VRK2: variants seen among roughly 807,000 people sequenced by gnomAD.
VRK2 encodes serine/threonine-protein kinase VRK2.
Under a neutral mutation model 57.6 loss-of-function variants are expected in VRK2, and 60 were observed. The observed-to-expected ratio is 1.04, with a 90% CI of 0.85 to 1.29. VRK2 has a LOEUF of 1.29. Among genes scored for constraint, VRK2 ranks in the 50% most tolerant of loss-of-function variants. The probability of loss-of-function intolerance (pLI) is 0.00; values close to 1 mark genes in which losing one functional copy is unlikely to be tolerated. For missense variants in VRK2, 705 were observed against 588.1 expected (o/e 1.20, Z -2.06); for synonymous variants, 231 against 199.2 (o/e 1.16, Z -1.35).
At position 57,992,662 on chromosome 2, in the gene VRK2, G is replaced by A. The variant is rs535369294; in HGVS notation, c.-438-33003G>A. ...CGCCATTCTCCTGCCTCAGCCTCCC[G>A]AGTAGCTGGGACTACAGGCGCCCGC... On this transcript the variant is annotated intron_variant, in intron 1 of 15. Transcript: ENST00000417641. 5.1e-3 allele frequency among the ~76,000 whole-genome samples: 776 copies of A among 151,868 alleles called. 4 individuals are homozygous for A. Among genetic ancestry groups the A allele is most frequent in the African/African-American group, 0.018 (742 of 41,412 alleles).
At chr2:57,922,193 C>T (rs2103908785) in intron 1 of VRK2, among the ~76,000 whole-genome samples, 1 of 151,846 alleles carries the variant, frequency 6.6e-6, no homozygotes, top group South Asian at 2.1e-4. Context: ...GATAGCTGAT[C>T]CATCAAAAAT....
At chr2:58,153,530 TATTAA>T (rs1199706922) in intron 12 of VRK2, among the ~76,000 whole-genome samples, 5 of 152,110 alleles carry the variant, frequency 3.3e-5, no homozygotes, top group Admixed American at 6.5e-5. Context: ...TGTGGTTGAA[TATTAA>T]ATTAGTCTTC....
intron 1 of VRK2, among the ~76,000 whole-genome samples, chr2:57,983,550 G>C (rs967718169): frequency 6.6e-6 from 1 of 152,146 alleles, no homozygotes; most frequent in Non-Finnish European, 1.5e-5. Flanking sequence ...AAATGGGAGG[G>C]AAAGGCATAG....
intron 12 of VRK2, among the ~76,000 whole-genome samples, chr2:58,157,528 A>G (rs896203826): frequency 7.2e-5 from 11 of 152,194 alleles, no homozygotes; most frequent in African/African-American, 2.2e-4. Context: ...CTGAGAACCA[A>G]TGCTCTATCA....
At chr2:58,037,315 C>G (rs1183267205) in intron 3 of VRK2, among the ~76,000 whole-genome samples, 1 of 151,996 alleles carries the variant, frequency 6.6e-6, no homozygotes, top group East Asian at 1.9e-4. Flanking sequence ...AATGTCAAGG[C>G]TAAACTCTTT....
rs143852731 is a variant in VRK2 at position 58,133,487 on chromosome 2, G to C, written c.797+1559G>C. ...TTTATTCAACTTGCTGAGAAGGTATGACACTGAAATTCCCCATAAGGGTGT... is the reference window on the plus strand; with the variant it reads ...TTTATTCAACTTGCTGAGAAGGTATCACACTGAAATTCCCCATAAGGGTGT... On this transcript the variant is annotated intron_variant, in intron 9 of 12. Transcript: ENST00000340157. Among the ~76,000 whole-genome samples, 903 of 152,248 alleles carry C rather than the reference G, an allele frequency of 5.9e-3. 9 individuals are homozygous for C. The highest frequency in any genetic ancestry group is 0.02 in the African/African-American group (838 of 41,550).
At chr2:57,914,796 T>C (rs1170716196) in intron 1 of VRK2, among the ~76,000 whole-genome samples, 1 of 152,194 alleles carries the variant, frequency 6.6e-6, no homozygotes, top group African/African-American at 2.4e-5. Context: ...TCAAATTCTC[T>C]ATTATTAAAA....
At chr2:58,110,224 T>C (rs1675357048) in intron 7 of VRK2, among the ~76,000 whole-genome samples, 1 of 152,242 alleles carries the variant, frequency 6.6e-6, no homozygotes, top group African/African-American at 2.4e-5. Context: ...CTGTGATTTA[T>C]TGACCCCTCT....
chr2:58,112,072 A>G (rs1279776031), intron 7 of VRK2, among the ~76,000 whole-genome samples: 1 of 152,204 alleles, frequency 6.6e-6, no homozygotes, highest in Non-Finnish European at 1.5e-5. Context: ...TTTTGACTTC[A>G]ACATAATTTC....
chr2:58,089,424 A>G (rs942821119), intron 6 of VRK2, among the ~76,000 whole-genome samples: 2 of 152,214 alleles, frequency 1.3e-5, no homozygotes, highest in African/African-American at 4.8e-5. Context: ...CAACTAAAAT[A>G]CTTGATTTTT....
intron 1 of VRK2, among the ~76,000 whole-genome samples, chr2:57,919,671 T>G (rs913049295): frequency 2.0e-5 from 3 of 152,092 alleles, no homozygotes; most frequent in Admixed American, 1.3e-4. Flanking sequence ...CAAGGTTATA[T>G]TTTTCCTTAG....
intron 1 of VRK2, among the ~76,000 whole-genome samples, chr2:57,909,149 T>G (rs995061588): frequency 6.6e-6 from 1 of 152,224 alleles, no homozygotes; most frequent in African/African-American, 2.4e-5. Flanking sequence ...AAGTGAGTGC[T>G]CAAATAAGCT....
At chr2:57,998,832 C>T (rs1363353220) in intron 1 of VRK2, among the ~76,000 whole-genome samples, 4 of 152,118 alleles carry the variant, frequency 2.6e-5, no homozygotes, top group Non-Finnish European at 4.4e-5. Context: ...TATGAAAAAG[C>T]GTCTTCCAAA....
intron 3 of VRK2, among the ~76,000 whole-genome samples, 167 bp from the exon 4 acceptor site, chr2:58,084,714 G>C (rs1671369654): frequency 6.6e-6 from 1 of 151,798 alleles, no homozygotes; most frequent in African/African-American, 2.4e-5. Context: ...AGTTTATTTA[G>C]TGTTTTCTGA....
At chr2:57,938,697 T>C (rs1299626234) in intron 1 of VRK2, among the ~76,000 whole-genome samples, 1 of 152,070 alleles carries the variant, frequency 6.6e-6, no homozygotes, top group Non-Finnish European at 1.5e-5. Flanking sequence ...CCTGTTTCTC[T>C]CATAAACAGA....
At chr2:57,992,418 C>T (rs1672795334) in intron 1 of VRK2, among the ~76,000 whole-genome samples, 1 of 152,164 alleles carries the variant, frequency 6.6e-6, no homozygotes, top group Non-Finnish European at 1.5e-5. Flanking sequence ...GAGTAGGGAA[C>T]ATGTACCAAG....
chr2:58,066,731 T>A (rs940039774), intron 2 of VRK2, among the ~76,000 whole-genome samples: 1 of 152,046 alleles, frequency 6.6e-6, no homozygotes, highest in Non-Finnish European at 1.5e-5. Flanking sequence ...GGCATTCTTT[T>A]AAAAAAAATG....
chr2:58,036,728 A>C (rs777897166), intron 3 of VRK2, among the ~76,000 whole-genome samples: 2 of 152,042 alleles, frequency 1.3e-5, no homozygotes, highest in Admixed American at 6.6e-5. Context: ...GTTATCACAC[A>C]CAAGTAGTTA....
rs1265363822 is a variant in VRK2, at chr2:58,159,569, C to G, written c.1403C>G (p.Thr468Ser). Residue 468 changes from threonine to serine, a missense_variant, in exon 13 of 13, where the codon ACT becomes AGT. Coordinates refer to ENST00000340157, the MANE Select transcript of VRK2 (RefSeq NM_006296.7). ...GGGATCACAGACTTAGAAAGTTCAA[C>G]TGGACTTTGGCCTACAATTTCCCAG... The part of the protein sequence containing the change: ...STGITDLESS[T>S]GLWPTISQFT... 3 of 1,613,810 alleles carry G rather than the reference C, an allele frequency of 1.9e-6. No individual in the cohort carries two copies. The South Asian group carries it at 3.3e-5, about 18-fold the overall frequency.
Sources: gnomAD v4.1 joint callset for allele counts (sites outside exome capture counted in the v4.1 genomes callset) on GRCh38, gnomAD v4.1.1 for gene constraint, MANE v1.5 for transcripts, NCBI Gene and HGNC (gene_info 2026-07-23, HGNC 2026-07-21) for gene names.